The following HDAC2 variants were observed in gnomAD, a reference collection of about 807,000 sequenced individuals.
The protein encoded by HDAC2 is YY1-associated factor 1.
HDAC2 carries 5 observed loss-of-function variants against 68.5 expected under a neutral mutation model. That is an observed-to-expected ratio of 0.07 (90% CI 0.04 to 0.15). The LOEUF is 0.15. Ranked by LOEUF, HDAC2 falls within the 10% of genes least tolerant of loss-of-function variation. The probability of loss-of-function intolerance (pLI) is 1.00; values close to 1 mark genes in which losing one functional copy is unlikely to be tolerated. For missense variants in HDAC2, 291 were observed against 600.8 expected (o/e 0.48, Z 5.39); for synonymous variants, 182 against 191.3 (o/e 0.95, Z 0.40).
Position 113,940,835 on chromosome 6 carries a change from T to C in HDAC2, c.*223A>G, listed in dbSNP as rs547359357. ...CATAATAACTCACATCAATTTTAAA[T>C]ACTATCACATAAAGCATGGTGGAGA... On this transcript the variant is annotated 3_prime_UTR_variant, in exon 14 of 14. Transcript: ENST00000519065. The C allele has an allele frequency of 9.6e-6, 4 of 416,358 alleles. No homozygotes were observed. In the East Asian group the frequency reaches 1.4e-4, roughly 15 times the overall value. The allele number at this position is 416,358 out of a possible 1,614,324, so 25.8% of individuals were successfully genotyped here. A position where few individuals can be genotyped will look rare whatever the true frequency, so the allele number is the denominator to read the frequency against.
Position 113,936,267 on chromosome 6 carries a change from A to C in HDAC2, c.*4791T>G, listed in dbSNP as rs1240187098. The C allele has an allele frequency of 6.6e-6, 1 of 152,192 alleles. No individual in the cohort carries two copies. The allele number at this position is 152,192 out of a possible 1,614,324, so 9.4% of individuals were successfully genotyped here. Reference sequence around the variant, plus strand: ...CAAGTGACTATAAGAGAAAACACACAGAAAAAAAAATTTTAAATGCAGTAT... The same window carrying C: ...CAAGTGACTATAAGAGAAAACACACCGAAAAAAAAATTTTAAATGCAGTAT... On this transcript the variant is annotated 3_prime_UTR_variant, in exon 14 of 14. Coordinates refer to ENST00000519065, the MANE Select transcript of HDAC2 (RefSeq NM_001527.4).
chr6:113,966,617 C>T (rs896118345), intron 1 of HDAC2, among the ~76,000 whole-genome samples: 1 of 148,484 alleles, frequency 6.7e-6, no homozygotes, highest in Non-Finnish European at 1.5e-5. Context: ...AAAAAAAAAG[C>T]TACGTTTTTA....
At chr6:113,970,626 C>A in intron 1 of HDAC2, 1 of 1,338,812 alleles carries the variant, frequency 7.5e-7, no homozygotes, top group Non-Finnish European at 9.5e-7. Flanking sequence ...GGGGGAGAGG[C>A]AGGAGACAAG....
chr6:113,942,593 G>T (rs1227802877), intron 12 of HDAC2, among the ~76,000 whole-genome samples: 2 of 152,118 alleles, frequency 1.3e-5, no homozygotes, highest in Admixed American at 1.3e-4. Flanking sequence ...ATTAGGAAAT[G>T]CATCAAGTGC....
chr6:113,970,842 G>C lies in HDAC2; in HGVS notation c.52+15C>G. 1 of 1,536,356 alleles carries C rather than the reference G, an allele frequency of 6.5e-7. No individual in the cohort carries two copies. The highest frequency in any genetic ancestry group is 1.2e-5 in the South Asian group (1 of 83,850). Reference sequence around the variant, plus strand: ...GGCCCCGCGCGCCCACCCCGACACCGGCCCGGCCGCTCACCGTCGTAGTAG... The same window carrying C: ...GGCCCCGCGCGCCCACCCCGACACCCGCCCGGCCGCTCACCGTCGTAGTAG... On this transcript the variant is annotated intron_variant, in intron 1 of 13. Transcript: ENST00000519065.
chr6:113,968,866 A>G (rs1472822277), intron 1 of HDAC2, among the ~76,000 whole-genome samples: 3 of 152,102 alleles, frequency 2.0e-5, no homozygotes, highest in African/African-American at 7.2e-5. Context: ...ACTCAAGTGT[A>G]CCCTCCTGGT....
At chr6:113,963,782 AG>A (rs1776746926) in intron 1 of HDAC2, among the ~76,000 whole-genome samples, 1 of 152,224 alleles carries the variant, frequency 6.6e-6, no homozygotes, top group Non-Finnish European at 1.5e-5. Context: ...AATCAGCTCA[AG>A]GTGGTTCCTT....
intron 9 of HDAC2, 103 bp from the exon 10 acceptor site, chr6:113,945,573 T>A (rs557055738): frequency 5.6e-6 from 4 of 712,232 alleles, no homozygotes; most frequent in Non-Finnish European, 1.0e-5. Context: ...CCTAAGAAAA[T>A]GTTTAAAAGT....
Position 113,958,695 on chromosome 6 carries a change from T to G in HDAC2, c.237A>C (p.Ser79=). The G allele has an allele frequency of 6.2e-7, 1 of 1,607,852 alleles. No individual in the cohort carries two copies. Among genetic ancestry groups the G allele is most frequent in the Non-Finnish European group, 8.5e-7 (1 of 1,175,472 alleles). The change falls in exon 3 of 14, where the codon TCA becomes TCC. Residue 79 remains serine (S), a synonymous_variant. Coordinates refer to ENST00000519065, the MANE Select transcript of HDAC2 (RefSeq NM_001527.4). ...ACTCAGACATGTTATCTGGTCTTAT[T>G]GACCGTAGAAATTTGATATACTCAT... ...HSDEYIKFLR[S]IRPDNMSEYS...
rs1166668151 is a variant in HDAC2, at chr6:113,949,193, T to G, written c.707A>C (p.Glu236Ala). ...AGGCTTAAATATCTGCCCATATGAC[T>G]CATCATCTATACCATCTCTCATTGG... ...NFPMRDGIDD[E>A]SYGQIFKPII... Residue 236 changes from glutamate (E) to alanine (A), a missense_variant, in exon 7 of 14, where the codon GAG becomes GCG. Coordinates refer to ENST00000519065, the MANE Select transcript of HDAC2 (RefSeq NM_001527.4). The G allele has an allele frequency of 6.2e-7, 1 of 1,608,980 alleles. No individual in the cohort carries two copies. The highest frequency in any genetic ancestry group is 8.5e-7 in the Non-Finnish European group (1 of 1,175,448).
intron 1 of HDAC2, among the ~76,000 whole-genome samples, chr6:113,964,933 A>G (rs1483601010): frequency 2.6e-5 from 4 of 152,194 alleles, no homozygotes; most frequent in African/African-American, 7.2e-5. Flanking sequence ...TAATCCATCA[A>G]AAAGTTCTAT....
intron 1 of HDAC2, among the ~76,000 whole-genome samples, chr6:113,963,616 A>T (rs1776743155): frequency 6.6e-6 from 1 of 152,238 alleles, no homozygotes; most frequent in African/African-American, 2.4e-5. Flanking sequence ...AGCATGTCAA[A>T]TTTTTGATTT....
rs1167573454 is a variant in HDAC2 at position 113,939,595 on chromosome 6, C to G, written c.*1463G>C. The stretch of plus-strand genomic sequence containing the variant: ...GTCATAAAGGTTTACAGATTGATAA[C>G]AAATATGTAGCAAAAGTACAAAAAC... On this transcript the variant is annotated 3_prime_UTR_variant, in exon 14 of 14. Transcript: ENST00000519065. 2.0e-5 allele frequency: 3 copies of G among 151,946 alleles called. No homozygotes were observed. The highest frequency in any genetic ancestry group is 4.4e-5 in the Non-Finnish European group (3 of 67,972). The allele number at this position is 151,946 out of a possible 1,614,324, so 9.4% of individuals were successfully genotyped here.
In HDAC2 at chr6:113,970,978, G is replaced by C; in HGVS notation, c.-70C>G. 6.4e-7 allele frequency: 1 copy of C among 1,568,360 alleles called. No homozygotes were observed. The highest frequency in any genetic ancestry group is 8.6e-7 in the Non-Finnish European group (1 of 1,156,700). ...TGCTGCTGCTGCTGCTGCCGCCGCGGCTCGGCCGGGAGAGAAAAGGGCTGA... is the reference window on the plus strand; with the variant it reads ...TGCTGCTGCTGCTGCTGCCGCCGCGCCTCGGCCGGGAGAGAAAAGGGCTGA... On this transcript the variant is annotated 5_prime_UTR_variant, in exon 1 of 14. Coordinates refer to ENST00000519065, the MANE Select transcript of HDAC2 (RefSeq NM_001527.4).
intron 1 of HDAC2, among the ~76,000 whole-genome samples, chr6:113,968,908 C>CA (rs1402090104): frequency 6.6e-6 from 1 of 152,152 alleles, no homozygotes; most frequent in Non-Finnish European, 1.5e-5. Context: ...CAACAAATTA[C>CA]AAGCAGCTTA....
At chr6:113,968,498 G>C (rs533726731) in intron 1 of HDAC2, 209 of 152,198 alleles carry the variant, frequency 1.4e-3, no homozygotes, top group African/African-American at 4.9e-3. Flanking sequence ...TTAATAATTA[G>C]CATAATATAA....
At chr6:113,957,269 G>C (rs1776577995) in intron 3 of HDAC2, 1 of 152,920 alleles carries the variant, frequency 6.5e-6, no homozygotes, top group Admixed American at 6.5e-5. Context: ...AACATTTACA[G>C]ATAAACGATC....
At chr6:113,956,762 C>G in intron 3 of HDAC2, 69 bp from the exon 4 acceptor site, 1 of 1,103,716 alleles carries the variant, frequency 9.1e-7, no homozygotes, top group Non-Finnish European at 1.4e-6. Flanking sequence ...CTTACAAAAA[C>G]TATTTCCCAC....
chr6:113,949,286 T>C, intron 6 of HDAC2, 26 bp from the exon 7 acceptor site: 1 of 1,323,862 alleles, frequency 7.6e-7, no homozygotes, highest in South Asian at 1.2e-5. Flanking sequence ...AAACTGATCT[T>C]AGAGAATATT....
Sources: gnomAD v4.1 joint callset for allele counts (sites outside exome capture counted in the v4.1 genomes callset) on GRCh38, gnomAD v4.1.1 for gene constraint, MANE v1.5 for transcripts, NCBI Gene and HGNC (gene_info 2026-07-23, HGNC 2026-07-21) for gene names.